The following SGCG variants were observed in gnomAD, a reference collection of about 807,000 sequenced individuals.
SGCG encodes sarcoglycan gamma, also known as gamma-sarcoglycan.
In SGCG, 26 loss-of-function variants were observed where a neutral mutation model predicts 29.3. The observed-to-expected ratio is 0.89, with a 90% confidence interval of 0.65 to 1.23. The LOEUF is 1.23. SGCG is among the 50% of genes most tolerant of loss of function. The pLI is 0.00. For synonymous variants in SGCG, 145 were observed against 129.7 expected, an observed-to-expected ratio of 1.12 and a Z score of -0.80; for missense variants, 353 against 356.0, an observed-to-expected ratio of 0.99 and a Z score of 0.07.
the SGCG span, among the ~76,000 whole-genome samples, chr13:23,173,679 T>G: frequency 6.6e-6 from 1 of 152,244 alleles, no homozygotes; most frequent in South Asian, 2.1e-4. Flanking sequence ...TTTAGGAACA[T>G]TCATGTAATA....
In SGCG at chr13:23,274,589, A is replaced by AT. The variant is rs1451493081; in HGVS notation, c.386-4764dup. Among the ~76,000 whole-genome samples the AT allele has an allele frequency of 4.0e-5, 6 of 151,454 alleles. 1 individual carries two copies. The highest frequency in any genetic ancestry group is 1.2e-4 in the African/African-American group (5 of 41,288). On this transcript the variant is annotated intron_variant, in intron 4 of 7. Transcript: ENST00000218867. ...AGGAGCCCACCACCATGCTCGGCTA[A>AT]TTTTTTGTATTTTTAGTAGAGACGG...
At chr13:23,169,450 G>A in the SGCG span, among the ~76,000 whole-genome samples, 1 of 151,772 alleles carries the variant, frequency 6.6e-6, no homozygotes, top group Non-Finnish European at 1.5e-5. Flanking sequence ...GGAGGCCGAG[G>A]CGGGTGGATC....
chr13:23,315,816 G>A (rs1882785489), intron 6 of SGCG, among the ~76,000 whole-genome samples: 1 of 152,174 alleles, frequency 6.6e-6, no homozygotes, highest in Non-Finnish European at 1.5e-5. Context: ...AAGAAATTTG[G>A]GGAAGAGATA....
chr13:23,210,053 T>C lies in SGCG; in HGVS notation c.195+6164T>C, dbSNP rs1878132952. Reference sequence around the variant, plus strand: ...TGACCATTTATTAACAGAGAAATGGTTAGCTTTTAATCTTTTATTACTGGA... The same window carrying C: ...TGACCATTTATTAACAGAGAAATGGCTAGCTTTTAATCTTTTATTACTGGA... On this transcript the variant is annotated intron_variant, in intron 2 of 7. Transcript: ENST00000218867. 2.0e-5 allele frequency among the ~76,000 whole-genome samples: 3 copies of C among 152,176 alleles called. No homozygotes were observed. In the East Asian group the frequency reaches 5.8e-4, roughly 29 times the overall value.
intron 6 of SGCG, among the ~76,000 whole-genome samples, chr13:23,316,934 C>T (rs1316039749): frequency 2.6e-5 from 4 of 152,092 alleles, no homozygotes; most frequent in East Asian, 3.9e-4. Context: ...TGGCCGGGCG[C>T]GGTGGCTCAT....
chr13:23,215,615 A>C (rs924825245), intron 2 of SGCG, among the ~76,000 whole-genome samples: 4 of 152,302 alleles, frequency 2.6e-5, no homozygotes, highest in African/African-American at 9.6e-5. Context: ...CTTTGGCGAA[A>C]GTTATTCTTT....
At position 23,205,671 on chromosome 13, in the gene SGCG, A is replaced by G. The variant is rs540563593; in HGVS notation, c.195+1782A>G. On this transcript the variant is annotated intron_variant, in intron 2 of 7. Transcript: ENST00000218867. ...AATTTGGATTAAATTAAGTTGTGCC[A>G]GCAGCTGAGTCCATTTCACTGATGG... Among the ~76,000 whole-genome samples the G allele has an allele frequency of 2.6e-5, 4 of 152,222 alleles. No homozygotes were observed. The East Asian group carries it at 7.7e-4, about 29-fold the overall frequency.
intron 4 of SGCG, among the ~76,000 whole-genome samples, chr13:23,260,846 G>C (rs1272893437): frequency 6.6e-6 from 1 of 151,996 alleles, no homozygotes; most frequent in Non-Finnish European, 1.5e-5. Context: ...TTTTCTTTAA[G>C]AATGTTGAAT....
Position 23,320,617 on chromosome 13 carries a change from G to GTTTTTTT in SGCG, c.579-20_579-19insTTTTTTT. The GTTTTTTT allele has an allele frequency of 3.3e-6, 3 of 912,348 alleles. No individual in the cohort carries two copies. The highest frequency in any genetic ancestry group is 4.1e-5 in the South Asian group (2 of 48,670). The allele number at this position is 912,348 out of a possible 1,614,324, so 56.5% of individuals were successfully genotyped here. ...TAATACTTTTTTTTTTTTTTTTTGT[G>GTTTTTTT]CTTCTTTTCCTCATCTCAGATTAGA... On this transcript the variant is annotated intron_variant, in intron 6 of 7. Transcript: ENST00000218867.
intron 5 of SGCG, among the ~76,000 whole-genome samples, chr13:23,287,517 T>C (rs574317990): frequency 1.3e-5 from 2 of 152,238 alleles, no homozygotes; most frequent in Admixed American, 6.5e-5. Context: ...CAGAACCTGG[T>C]CAGACACTCT....
intron 2 of SGCG, among the ~76,000 whole-genome samples, chr13:23,231,488 G>A (rs4769245): frequency 0.26 from 39,243 of 151,750 alleles, 5,311 homozygotes; most frequent in East Asian, 0.38. Flanking sequence ...GGGTTTTTTT[G>A]GTGATATAAC....
chr13:23,292,797 CA>C (rs1251963619), intron 5 of SGCG, among the ~76,000 whole-genome samples: 1 of 152,104 alleles, frequency 6.6e-6, no homozygotes, highest in African/African-American at 2.4e-5. Context: ...TTCGTGATAA[CA>C]AAGCATTACT....
intron 2 of SGCG, among the ~76,000 whole-genome samples, chr13:23,206,060 T>C (rs909727027): frequency 1.3e-5 from 2 of 152,230 alleles, no homozygotes; most frequent in African/African-American, 4.8e-5. Flanking sequence ...GTAATTATCC[T>C]ATATGTTTTG....
At chr13:23,160,622 C>T in the SGCG span, among the ~76,000 whole-genome samples, 2,358 of 152,230 alleles carry the variant, frequency 0.015, 69 homozygotes, top group African/African-American at 0.054. Flanking sequence ...CTGTTTGCGC[C>T]CCGGGACTCC....
chr13:23,188,376 A>G (rs1250426984), intron 1 of SGCG, among the ~76,000 whole-genome samples: 3 of 122,666 alleles, frequency 2.4e-5, no homozygotes, highest in Non-Finnish European at 4.8e-5. Flanking sequence ...CCCAGTCTGG[A>G]GTGCAATGGA....
intron 4 of SGCG, among the ~76,000 whole-genome samples, chr13:23,271,445 T>C (rs1421523987): frequency 4.6e-5 from 7 of 152,206 alleles, no homozygotes; most frequent in Non-Finnish European, 1.0e-4. Context: ...CTCATAATGC[T>C]TAAAGACAGT....
At chr13:23,270,283 G>A (rs5005156) in intron 4 of SGCG, among the ~76,000 whole-genome samples, 95,879 of 152,058 alleles carry the variant, frequency 0.63, 32,221 homozygotes, top group Middle Eastern at 0.84. Flanking sequence ...TCTAGAAGAT[G>A]GTAACAATTT....
At chr13:23,176,141 T>C (rs1457982351), upstream of SGCG, among the ~76,000 whole-genome samples, 2 of 152,194 alleles carry the variant, frequency 1.3e-5, no homozygotes, top group Admixed American at 1.3e-4. Context: ...ATTACTGTTA[T>C]ACTGACCTCT....
At chr13:23,272,806 C>G (rs1880918177) in intron 4 of SGCG, among the ~76,000 whole-genome samples, 1 of 152,144 alleles carries the variant, frequency 6.6e-6, no homozygotes, top group Non-Finnish European at 1.5e-5. Context: ...CAGGTCTGAT[C>G]AAACTTTCTC....
Sources: gnomAD v4.1 joint callset for allele counts (sites outside exome capture counted in the v4.1 genomes callset) on GRCh38, gnomAD v4.1.1 for gene constraint, MANE v1.5 for transcripts, NCBI Gene and HGNC (gene_info 2026-07-23, HGNC 2026-07-21) for gene names.